Variants in RAB11FIP4 observed in about 807,000 individuals in gnomAD.
RAB11FIP4 encodes rab11 family-interacting protein 4.
In RAB11FIP4, 23 loss-of-function variants were observed where a neutral mutation model predicts 74.3. That is an observed-to-expected ratio of 0.31 (90% confidence interval 0.22 to 0.44). The LOEUF (loss-of-function observed/expected upper bound fraction) is 0.44, where lower values mean the gene tolerates loss of function less well. Among genes scored for constraint, RAB11FIP4 ranks in the 20% least tolerant of loss-of-function variants. The probability of loss-of-function intolerance (pLI) is 1.00; values close to 1 mark genes in which losing one functional copy is unlikely to be tolerated. For synonymous variants in RAB11FIP4, 360 were observed against 359.9 expected (o/e 1.00, Z 0.00); for missense variants, 630 against 863.9 (o/e 0.73, Z 3.39).
At chr17:31,457,794 GTC>G (rs1261533473) in intron 3 of RAB11FIP4, among the ~76,000 whole-genome samples, 1 of 151,722 alleles carries the variant, frequency 6.6e-6, no homozygotes, top group Non-Finnish European at 1.5e-5. Context: ...CTTTGTGTGT[GTC>G]TCTGTCTGCA....
At chr17:31,444,567 C>G (rs1342648355) in intron 3 of RAB11FIP4, among the ~76,000 whole-genome samples, 1 of 152,170 alleles carries the variant, frequency 6.6e-6, no homozygotes, top group African/African-American at 2.4e-5. Context: ...CCCTGACCAT[C>G]CCTACCCTAG....
rs2070881387 is a variant in RAB11FIP4 at position 31,392,245 on chromosome 17, G to T, written c.159+234G>T. 15 of 341,992 alleles carry T rather than the reference G, an allele frequency of 4.4e-5. No homozygotes were observed. In the East Asian group the frequency reaches 6.1e-4, roughly 14 times the overall value. The allele number at this position is 341,992 out of a possible 1,614,324, so 21.2% of individuals were successfully genotyped here. On this transcript the variant is annotated intron_variant, in intron 1 of 14. Coordinates refer to ENST00000621161, the MANE Select transcript of RAB11FIP4 (RefSeq NM_032932.6). Reference sequence around the variant, plus strand: ...CCGAGCGTCACGCGTCACGCCTAGGGTGGCTTCTGCGCCCACCTTCCTTCC... The same window carrying T: ...CCGAGCGTCACGCGTCACGCCTAGGTTGGCTTCTGCGCCCACCTTCCTTCC...
chr17:31,411,053 A>G (rs6505239), intron 1 of RAB11FIP4, among the ~76,000 whole-genome samples: 137,791 of 152,200 alleles, frequency 0.91, 62,562 homozygotes, highest in African/African-American at 0.97. Flanking sequence ...GCCCTGGATC[A>G]GAATGCCAGG....
Position 31,521,942 on chromosome 17 carries a change from G to T in RAB11FIP4, c.786G>T (p.Arg262=), listed in dbSNP as rs1253669522. The T allele has an allele frequency of 6.2e-7, 1 of 1,614,184 alleles. No homozygotes were observed. The highest frequency in any genetic ancestry group is 2.2e-5 in the East Asian group (1 of 44,884). The stretch of plus-strand genomic sequence containing the variant: ...CGGGGCAGACGCCTAGGAAAATGCG[G>T]CACGTGTACAACAGCGAATTGCTAG... ...SSAGQTPRKM[R]HVYNSELLDV... The change falls in exon 6 of 15, where the codon CGG becomes CGT. Residue 262 remains arginine, a synonymous_variant. Coordinates refer to ENST00000621161, the MANE Select transcript of RAB11FIP4 (RefSeq NM_032932.6).
intron 3 of RAB11FIP4, among the ~76,000 whole-genome samples, chr17:31,441,173 C>T (rs188708259): frequency 4.6e-5 from 7 of 152,058 alleles, no homozygotes; most frequent in Non-Finnish European, 4.4e-5. Context: ...TACAGGTGCC[C>T]ACCACCATGC....
rs926051905 is a variant in RAB11FIP4 at position 31,437,051 on chromosome 17, A to G, written c.336+2929A>G. On this transcript the variant is annotated intron_variant, in intron 3 of 14. Coordinates refer to ENST00000621161, the MANE Select transcript of RAB11FIP4 (RefSeq NM_032932.6). ...ATGATCCACCCGCCTCGGCCTCCCA[A>G]TGCTTTGGATTTTAAGCTTCTCGTG... Among the ~76,000 whole-genome samples the G allele has an allele frequency of 1.8e-4, 28 of 151,616 alleles. 1 individual carries two copies. The highest frequency in any genetic ancestry group is 4.6e-4 in the Admixed American group (7 of 15,240).
intron 3 of RAB11FIP4, among the ~76,000 whole-genome samples, chr17:31,517,170 T>C (rs1363275601): frequency 3.5e-5 from 1 of 28,706 alleles, no homozygotes; most frequent in Admixed American, 4.0e-4. Flanking sequence ...GCAGAAAAGG[T>C]TGGGGGGCGA....
chr17:31,499,554 A>G (rs561778833), intron 3 of RAB11FIP4, among the ~76,000 whole-genome samples: 1 of 152,074 alleles, frequency 6.6e-6, no homozygotes, highest in Non-Finnish European at 1.5e-5. Flanking sequence ...ATGGGGTTTC[A>G]CCATGTTGAC....
intron 3 of RAB11FIP4, among the ~76,000 whole-genome samples, chr17:31,505,877 CTTT>C (rs78513216): frequency 7.4e-6 from 1 of 135,988 alleles, no homozygotes. Flanking sequence ...TTCTTTTTTA[CTTT>C]TTTTTTTTTT....
chr17:31,394,949 G>C (rs1004171611), intron 1 of RAB11FIP4, among the ~76,000 whole-genome samples: 8 of 124,538 alleles, frequency 6.4e-5, no homozygotes, highest in South Asian at 6.1e-4. Context: ...GGGGGGGGGG[G>C]GCTCCCTTAC....
At chr17:31,510,531 C>T (rs1297925369) in intron 3 of RAB11FIP4, among the ~76,000 whole-genome samples, 3 of 152,226 alleles carry the variant, frequency 2.0e-5, no homozygotes, top group Non-Finnish European at 4.4e-5. Flanking sequence ...GTTGCCAGGG[C>T]TGGGGGTGGA....
intron 3 of RAB11FIP4, among the ~76,000 whole-genome samples, chr17:31,467,840 C>T (rs1433933874): frequency 6.6e-6 from 1 of 152,216 alleles, no homozygotes; most frequent in Admixed American, 6.5e-5. Context: ...GCTTGGGGCC[C>T]ATTCTAATTA....
At chr17:31,417,777 G>A (rs1470917210) in intron 1 of RAB11FIP4, among the ~76,000 whole-genome samples, 1 of 152,196 alleles carries the variant, frequency 6.6e-6, no homozygotes, top group Non-Finnish European at 1.5e-5. Flanking sequence ...GGGGAATATG[G>A]GACCTGTATT....
At chr17:31,487,927 G>A (rs1597947899) in intron 3 of RAB11FIP4, 1 of 563,424 alleles carries the variant, frequency 1.8e-6, no homozygotes, top group Non-Finnish European at 2.3e-6. Flanking sequence ...CCCGCCCCGC[G>A]GCTCGGGTTC....
chr17:31,524,415 G>C (rs1030899219), intron 9 of RAB11FIP4: 1 of 194,490 alleles, frequency 5.1e-6, no homozygotes, highest in Non-Finnish European at 1.1e-5. Context: ...TGAGCCTGCC[G>C]TTCCTGATGC....
chr17:31,536,827 A>C lies in RAB11FIP4; in HGVS notation c.*5095A>C. ...TTCTCTGCTACCCACCAGAGAAAATAGGCTGCCTTCTAGAAAGATTTGTTT... is the reference window on the plus strand; with the variant it reads ...TTCTCTGCTACCCACCAGAGAAAATCGGCTGCCTTCTAGAAAGATTTGTTT... On this transcript the variant is annotated 3_prime_UTR_variant, in exon 15 of 15. Transcript: ENST00000621161. 1 of 396,826 alleles carries C rather than the reference A, an allele frequency of 2.5e-6. No individual in the cohort carries two copies. Among genetic ancestry groups the C allele is most frequent in the East Asian group, 3.6e-5 (1 of 28,036 alleles). The allele number at this position is 396,826 out of a possible 1,614,324, so 24.6% of individuals were successfully genotyped here.
At chr17:31,410,274 T>A (rs540032038) in intron 1 of RAB11FIP4, among the ~76,000 whole-genome samples, 1 of 152,122 alleles carries the variant, frequency 6.6e-6, no homozygotes, top group African/African-American at 2.4e-5. Flanking sequence ...TCCAAGTCCA[T>A]AAGTCACTGG....
At chr17:31,448,103 C>T (rs999533526) in intron 3 of RAB11FIP4, among the ~76,000 whole-genome samples, 10 of 152,218 alleles carry the variant, frequency 6.6e-5, no homozygotes, top group African/African-American at 2.2e-4. Flanking sequence ...TAAGCCACCG[C>T]GCCCTGCGGG....
At chr17:31,520,531 G>A (rs888773821) in intron 4 of RAB11FIP4, among the ~76,000 whole-genome samples, 13 of 151,692 alleles carry the variant, frequency 8.6e-5, no homozygotes, top group East Asian at 1.9e-4. Context: ...TTTTTGAGAC[G>A]GAGTCTCCCT....
Sources: allele counts gnomAD v4.1 joint callset (sites outside exome capture counted in the v4.1 genomes callset), GRCh38; gene constraint gnomAD v4.1.1; transcripts MANE v1.5; gene names NCBI Gene and HGNC (gene_info 2026-07-23, HGNC 2026-07-21).